EBF1: variants seen among roughly 807,000 people sequenced by gnomAD.
The protein encoded by EBF1 is EBF transcription factor 1.
EBF1 carries 10 observed loss-of-function variants against 68.4 expected under a neutral mutation model. The observed-to-expected ratio is 0.15, with a 90% CI of 0.09 to 0.25. The LOEUF (loss-of-function observed/expected upper bound fraction) is 0.25. Among genes scored for constraint, EBF1 ranks in the 10% least tolerant of loss-of-function variants. EBF1 has a pLI of 1.00. For missense variants in EBF1, 509 were observed against 794.4 expected, an observed-to-expected ratio of 0.64 and a Z score of 4.32; for synonymous variants, 298 against 299.8, an observed-to-expected ratio of 0.99 and a Z score of 0.06.
intron 8 of EBF1, among the ~76,000 whole-genome samples, chr5:158,806,354 G>T (rs907918413): frequency 6.6e-6 from 1 of 152,100 alleles, no homozygotes; most frequent in African/African-American, 2.4e-5. Flanking sequence ...ATGATCATTA[G>T]ATGTGCTCAG....
At chr5:158,863,721 A>C (rs1251057100) in intron 6 of EBF1, among the ~76,000 whole-genome samples, 1 of 152,186 alleles carries the variant, frequency 6.6e-6, no homozygotes, top group Non-Finnish European at 1.5e-5. Context: ...GTGTGACCAT[A>C]ATCTTGATTT....
At chr5:158,700,708 C>G (rs1465781460) in intron 15 of EBF1, among the ~76,000 whole-genome samples, 1 of 150,068 alleles carries the variant, frequency 6.7e-6, no homozygotes, top group Non-Finnish European at 1.5e-5. Flanking sequence ...TTAAACCCAT[C>G]TGTATTCACA....
At chr5:158,926,065 T>C (rs1416595690) in intron 6 of EBF1, among the ~76,000 whole-genome samples, 1 of 152,324 alleles carries the variant, frequency 6.6e-6, no homozygotes, top group Admixed American at 6.5e-5. Flanking sequence ...AAATAGTGCC[T>C]GCTTAATACA....
Position 158,698,229 on chromosome 5 carries a change from C to T in EBF1, c.*882G>A, listed in dbSNP as rs761554563. The T allele has an allele frequency of 9.1e-6, 2 of 220,834 alleles. No homozygotes were observed. Among genetic ancestry groups the T allele is most frequent in the Non-Finnish European group, 1.8e-5 (2 of 110,258 alleles). 13.7% of individuals were successfully genotyped at this position (220,834 alleles called of 1,614,324 possible). A position where few individuals can be genotyped will look rare whatever the true frequency, so the allele number is the denominator to read the frequency against. ...AGAGTGTGGAATTCTGTGCCTGGAC[C>T]CTGTTCCATGAAGTCTCAAAGGAGA... On this transcript the variant is annotated 3_prime_UTR_variant, in exon 16 of 16. Coordinates refer to ENST00000313708, the MANE Select transcript of EBF1 (RefSeq NM_024007.5).
chr5:158,770,240 C>G (rs1023978514), intron 10 of EBF1, among the ~76,000 whole-genome samples: 2 of 151,998 alleles, frequency 1.3e-5, no homozygotes, highest in Admixed American at 6.6e-5. Flanking sequence ...CACATCTAAC[C>G]CATCAAGTCC....
At chr5:158,774,029 C>T (rs1386978951) in intron 10 of EBF1, among the ~76,000 whole-genome samples, 2 of 152,224 alleles carry the variant, frequency 1.3e-5, no homozygotes, top group African/African-American at 4.8e-5. Flanking sequence ...TCAGCCTTGC[C>T]CTACATTTAC....
chr5:159,058,269 A>G (rs1372949010), intron 6 of EBF1, among the ~76,000 whole-genome samples: 1 of 152,240 alleles, frequency 6.6e-6, no homozygotes, highest in East Asian at 1.9e-4. Context: ...AGAATGAGTA[A>G]GAAAATGTTT....
At chr5:158,929,014 T>G (rs1306745139) in intron 6 of EBF1, among the ~76,000 whole-genome samples, 5 of 152,188 alleles carry the variant, frequency 3.3e-5, no homozygotes, top group Admixed American at 3.3e-4. Context: ...TCAAGACAGT[T>G]AGACACTGGG....
intron 6 of EBF1, among the ~76,000 whole-genome samples, chr5:159,049,515 A>G (rs1220674190): frequency 2.6e-5 from 4 of 152,234 alleles, no homozygotes; most frequent in African/African-American, 4.8e-5. Context: ...TCACACACAC[A>G]TATATTTTAA....
chr5:158,982,229 C>A (rs1350506736), intron 6 of EBF1, among the ~76,000 whole-genome samples: 1 of 152,174 alleles, frequency 6.6e-6, no homozygotes, highest in African/African-American at 2.4e-5. Flanking sequence ...AGACAATGAG[C>A]TAATGAATGT....
At chr5:158,748,212 C>A (rs1030269734) in intron 10 of EBF1, among the ~76,000 whole-genome samples, 1 of 152,122 alleles carries the variant, frequency 6.6e-6, no homozygotes, top group Non-Finnish European at 1.5e-5. Flanking sequence ...AATACAAAAC[C>A]AGTTTCTGTG....
At chr5:158,741,893 G>A (rs1766490918) in intron 10 of EBF1, among the ~76,000 whole-genome samples, 1 of 152,186 alleles carries the variant, frequency 6.6e-6, no homozygotes, top group South Asian at 2.1e-4. Flanking sequence ...TGTGTGCCAG[G>A]CACTTTATAT....
intron 5 of EBF1, among the ~76,000 whole-genome samples, chr5:159,084,271 C>G (rs1780245295): frequency 6.6e-6 from 1 of 152,080 alleles, no homozygotes; most frequent in Non-Finnish European, 1.5e-5. Flanking sequence ...ACTTTCAAGT[C>G]TTACCCAAAC....
rs536743798 is a variant in EBF1 at position 158,844,309 on chromosome 5, C to T, written c.555-4199G>A. ...CATGTAATGCGTTAATTATTCAGAG[C>T]ACTTATATTCCCAATATCTCACTAA... On this transcript the variant is annotated intron_variant, in intron 6 of 15. Coordinates refer to ENST00000313708, the MANE Select transcript of EBF1 (RefSeq NM_024007.5). Among the ~76,000 whole-genome samples, 10 of 151,000 alleles carry T rather than the reference C, an allele frequency of 6.6e-5. No homozygotes were observed. In the South Asian group the frequency reaches 2.1e-3, roughly 32 times the overall value.
At chr5:158,854,431 G>A (rs1017814297) in intron 6 of EBF1, among the ~76,000 whole-genome samples, 52 of 152,256 alleles carry the variant, frequency 3.4e-4, no homozygotes, top group East Asian at 3.9e-4. Flanking sequence ...GGCAGCTGAC[G>A]GGTTGGGTGA....
rs567063729 is a variant in EBF1, at chr5:158,767,385, C to A, written c.1036+10028G>T. Among the ~76,000 whole-genome samples the A allele has an allele frequency of 2.0e-5, 3 of 152,296 alleles. 1 individual carries two copies. The highest frequency in any genetic ancestry group is 2.0e-4 in the Admixed American group (3 of 15,290). On this transcript the variant is annotated intron_variant, in intron 10 of 15. Coordinates refer to ENST00000313708, the MANE Select transcript of EBF1 (RefSeq NM_024007.5). Reference sequence around the variant, plus strand: ...TCACGTGTCCTAGAAATACCTGCCACTCTCCCATCACCAACAACTGCATTT... The same window carrying A: ...TCACGTGTCCTAGAAATACCTGCCAATCTCCCATCACCAACAACTGCATTT...
At chr5:158,934,965 G>A (rs1331944104) in intron 6 of EBF1, among the ~76,000 whole-genome samples, 13 of 152,200 alleles carry the variant, frequency 8.5e-5, no homozygotes, top group Non-Finnish European at 4.4e-5. Context: ...ATTTGCCCAA[G>A]ATTCAACAAA....
chr5:159,029,806 T>C (rs1768393407), intron 6 of EBF1, among the ~76,000 whole-genome samples: 1 of 151,866 alleles, frequency 6.6e-6, no homozygotes. Flanking sequence ...ATACAAAAAT[T>C]AGCTGGGTAT....
intron 6 of EBF1, among the ~76,000 whole-genome samples, chr5:158,857,497 T>C (rs1238090219): frequency 6.6e-6 from 1 of 152,142 alleles, no homozygotes; most frequent in East Asian, 1.9e-4. Flanking sequence ...ATTCCAAGTA[T>C]AATCTTTTTG....
Sources: gnomAD v4.1 joint callset for allele counts (sites outside exome capture counted in the v4.1 genomes callset) on GRCh38, gnomAD v4.1.1 for gene constraint, MANE v1.5 for transcripts, NCBI Gene and HGNC (gene_info 2026-07-23, HGNC 2026-07-21) for gene names.